SPOCK1: variants seen among roughly 807,000 people sequenced by gnomAD.
The protein encoded by SPOCK1 is SPARC (osteonectin), cwcv and kazal like domains proteoglycan 1, also known as testican-1.
In SPOCK1, 23 loss-of-function variants were observed where a neutral mutation model predicts 55.3. The ratio of observed to expected loss-of-function variants is 0.42; its 90% CI spans 0.30 to 0.59. SPOCK1 has a LOEUF of 0.59. Among genes scored for constraint, SPOCK1 ranks in the 20% least tolerant of loss-of-function variants. The pLI is 0.22. For missense variants in SPOCK1, 499 were observed against 552.5 expected, an observed-to-expected ratio of 0.90 and a Z score of 0.97; for synonymous variants, 226 against 221.0, an observed-to-expected ratio of 1.02 and a Z score of -0.20.
Position 136,991,251 on chromosome 5 carries a change from GA to G in SPOCK1, c.706+1232del, listed in dbSNP as rs138528266. Among the ~76,000 whole-genome samples the G allele has an allele frequency of 7.3e-5, 11 of 151,520 alleles. No individual in the cohort carries two copies. In the East Asian group the frequency reaches 1.9e-3, roughly 27 times the overall value. ...CAGGCTGCTCCTAGAGGATCCAGGG[GA>G]AAAAAAATCTTATTTTGCTTTTCCA... On this transcript the variant is annotated intron_variant, in intron 7 of 10. Transcript: ENST00000394945.
intron 3 of SPOCK1, among the ~76,000 whole-genome samples, chr5:137,169,740 A>G: frequency 6.6e-6 from 1 of 152,214 alleles, no homozygotes; most frequent in East Asian, 1.9e-4. Flanking sequence ...AAGTCTGGGA[A>G]GTAAGATGTG....
At chr5:137,458,989 T>C (rs1753423609) in intron 2 of SPOCK1, among the ~76,000 whole-genome samples, 1 of 152,178 alleles carries the variant, frequency 6.6e-6, no homozygotes, top group African/African-American at 2.4e-5. Flanking sequence ...GGAAAGTCTG[T>C]CTGTATCTTA....
At chr5:137,035,890 A>G (rs968618838) in intron 6 of SPOCK1, among the ~76,000 whole-genome samples, 3 of 152,050 alleles carry the variant, frequency 2.0e-5, no homozygotes, top group African/African-American at 7.2e-5. Flanking sequence ...CTCTGTTCAG[A>G]CTCCTTCTAT....
At chr5:137,324,101 A>T (rs1465108513) in intron 2 of SPOCK1, among the ~76,000 whole-genome samples, 1 of 135,074 alleles carries the variant, frequency 7.4e-6, no homozygotes, top group Non-Finnish European at 1.5e-5. Flanking sequence ...TGAATGGATA[A>T]GTAAGATGTG....
At chr5:137,485,124 T>A (rs965733558) in intron 2 of SPOCK1, among the ~76,000 whole-genome samples, 2 of 152,216 alleles carry the variant, frequency 1.3e-5, no homozygotes, top group African/African-American at 4.8e-5. Context: ...AACTTCTTTT[T>A]TAAAAATTAT....
At chr5:137,440,015 G>T (rs560912170) in intron 2 of SPOCK1, among the ~76,000 whole-genome samples, 1 of 152,042 alleles carries the variant, frequency 6.6e-6, no homozygotes, top group Non-Finnish European at 1.5e-5. Context: ...AGCCTTTCAC[G>T]GGAAAATGGA....
intron 2 of SPOCK1, among the ~76,000 whole-genome samples, chr5:137,486,774 A>G (rs923825700): frequency 9.2e-5 from 14 of 152,342 alleles, no homozygotes; most frequent in African/African-American, 3.1e-4. Flanking sequence ...AATTTCTCTA[A>G]CAACAGTAAA....
At chr5:137,151,056 T>C (rs1054295169) in intron 3 of SPOCK1, among the ~76,000 whole-genome samples, 10 of 152,218 alleles carry the variant, frequency 6.6e-5, no homozygotes, top group African/African-American at 2.2e-4. Context: ...TCAGACTATA[T>C]GGTAGGCCAA....
chr5:137,310,372 A>G (rs922241585), intron 2 of SPOCK1, among the ~76,000 whole-genome samples: 13 of 152,248 alleles, frequency 8.5e-5, no homozygotes, highest in African/African-American at 3.1e-4. Flanking sequence ...AATGGCATCC[A>G]GGTGGAACCA....
At chr5:137,484,267 C>A (rs906656012) in intron 2 of SPOCK1, among the ~76,000 whole-genome samples, 1 of 152,194 alleles carries the variant, frequency 6.6e-6, no homozygotes, top group South Asian at 2.1e-4. Context: ...AATATCCCCA[C>A]AACCAGTTCA....
intron 3 of SPOCK1, among the ~76,000 whole-genome samples, chr5:137,239,460 T>G (rs372212175): frequency 1.5e-3 from 230 of 152,304 alleles, no homozygotes; most frequent in African/African-American, 5.3e-3. Context: ...ATATTGAACA[T>G]GAGACGGGAG....
chr5:137,304,749 A>G (rs1424814638), intron 2 of SPOCK1, among the ~76,000 whole-genome samples: 2 of 152,242 alleles, frequency 1.3e-5, no homozygotes, highest in East Asian at 3.9e-4. Flanking sequence ...GCCTCTCTAC[A>G]GAGAGGAGAG....
intron 3 of SPOCK1, among the ~76,000 whole-genome samples, chr5:137,162,309 T>C (rs1208395686): frequency 6.6e-6 from 1 of 151,942 alleles, no homozygotes; most frequent in Non-Finnish European, 1.5e-5. Context: ...GGCTAATTTT[T>C]TGTATTTTTA....
intron 5 of SPOCK1, among the ~76,000 whole-genome samples, chr5:137,079,727 TC>T (rs1752843039): frequency 6.6e-6 from 1 of 152,178 alleles, no homozygotes; most frequent in Middle Eastern, 3.4e-3. Context: ...TTCTTCCTCC[TC>T]CCCGTCCCTG....
At chr5:137,103,574 T>C (rs1055109010) in intron 5 of SPOCK1, among the ~76,000 whole-genome samples, 1 of 152,228 alleles carries the variant, frequency 6.6e-6, no homozygotes, top group African/African-American at 2.4e-5. Flanking sequence ...TCATTGCCAG[T>C]CTGGAGGCTG....
chr5:136,990,104 G>T (rs1420079657), intron 7 of SPOCK1, among the ~76,000 whole-genome samples: 1 of 152,010 alleles, frequency 6.6e-6, no homozygotes, highest in Non-Finnish European at 1.5e-5. Flanking sequence ...TAGAGACAGG[G>T]TTTCACCGTG....
chr5:137,286,484 T>C (rs1757268096), intron 2 of SPOCK1, among the ~76,000 whole-genome samples: 1 of 152,082 alleles, frequency 6.6e-6, no homozygotes, highest in Non-Finnish European at 1.5e-5. Context: ...CTGCACACAG[T>C]AACCAAGCAC....
At chr5:137,388,730 AG>A (rs1011766508) in intron 2 of SPOCK1, among the ~76,000 whole-genome samples, 1 of 152,214 alleles carries the variant, frequency 6.6e-6, no homozygotes, top group Non-Finnish European at 1.5e-5. Flanking sequence ...AGAAGCTTTT[AG>A]CGCCTCTGCC....
rs142947342 is a variant in SPOCK1, at chr5:137,380,095, C to T, written c.187-113040G>A. The stretch of plus-strand genomic sequence containing the variant: ...GACCCACACCTAATAAACTCCAGAC[C>T]GACAGCTTGGTGGAGCAAATGCTGT... On this transcript the variant is annotated intron_variant, in intron 2 of 10. Transcript: ENST00000394945. Among the ~76,000 whole-genome samples, 608 of 152,254 alleles carry T rather than the reference C, an allele frequency of 4.0e-3. 8 individuals carry two copies. The highest frequency in any genetic ancestry group is 0.014 in the African/African-American group (562 of 41,542).
Sources: allele counts gnomAD v4.1 joint callset (sites outside exome capture counted in the v4.1 genomes callset), GRCh38; gene constraint gnomAD v4.1.1; transcripts MANE v1.5; gene names NCBI Gene and HGNC (gene_info 2026-07-23, HGNC 2026-07-21).